The following GCH1 variants were observed in gnomAD, a reference collection of about 807,000 sequenced individuals.
The protein encoded by GCH1 is GTP cyclohydrolase 1, also known as GTP cyclohydrolase I.
GCH1 carries 5 observed loss-of-function variants against 25.9 expected under a neutral mutation model. That is an observed-to-expected ratio of 0.19 (90% confidence interval 0.10 to 0.41). The LOEUF (loss-of-function observed/expected upper bound fraction) is 0.41. GCH1 is among the 10% of genes least tolerant of loss of function. The probability of loss-of-function intolerance (pLI) is 1.00; values close to 1 mark genes in which losing one functional copy is unlikely to be tolerated. For synonymous variants in GCH1, 159 were observed against 129.6 expected (o/e 1.23, Z -1.54); for missense variants, 261 against 336.5 (o/e 0.78, Z 1.75).
In GCH1 at chr14:54,845,775, C is replaced by T. The variant is rs765035547; in HGVS notation, c.619G>A (p.Glu207Lys). 4 of 1,587,500 alleles carry T rather than the reference C, an allele frequency of 2.5e-6. No individual in the cohort carries two copies. Residue 207 changes from glutamate (E) to lysine (K), a missense_variant, in exon 5 of 6, where the codon GAA becomes AAA. Physicochemically the swap from Glu to Lys is moderately conservative, Grantham distance 56. This residue lies in a region of GCH1 where 130 missense variants were observed against 184.1 expected (regional missense o/e 0.71). Coordinates refer to ENST00000491895, the MANE Select transcript of GCH1 (RefSeq NM_000161.3). ...LRPAGVGVVV[E>K]ATHMCMVMRG... is the part of the protein sequence containing the mutation. The stretch of plus-strand genomic sequence containing the variant: ...AGGCAGATGCAGACTTACGTTGCTT[C>T]AACCACTACCCCGACTCCAGCAGGC...
chr14:54,866,235 T>A (rs879760090), intron 1 of GCH1, among the ~76,000 whole-genome samples: 8 of 152,024 alleles, frequency 5.3e-5, no homozygotes, highest in Non-Finnish European at 1.2e-4. Flanking sequence ...TAACATTCGG[T>A]GACTGCAAGA....
intron 2 of GCH1, 46 bp from the exon 3 acceptor site, chr14:54,859,782 C>A (rs373548185): frequency 2.0e-6 from 2 of 1,013,256 alleles, no homozygotes; most frequent in Non-Finnish European, 3.2e-6. Flanking sequence ...AAATACAGTG[C>A]CTTCTTTGTG....
At chr14:54,853,462 C>T (rs2039764696) in intron 3 of GCH1, among the ~76,000 whole-genome samples, 1 of 152,174 alleles carries the variant, frequency 6.6e-6, no homozygotes, top group African/African-American at 2.4e-5. Flanking sequence ...CAGACTGTGG[C>T]TTTAGTGCTA....
intron 4 of GCH1, among the ~76,000 whole-genome samples, chr14:54,846,149 C>T (rs1161003349): frequency 6.6e-6 from 1 of 152,200 alleles, no homozygotes; most frequent in African/African-American, 2.4e-5. Context: ...GTTAGAACAA[C>T]ACAGTACTGG....
chr14:54,850,557 T>C (rs538565653), intron 3 of GCH1, among the ~76,000 whole-genome samples: 8 of 152,166 alleles, frequency 5.3e-5, no homozygotes, highest in Non-Finnish European at 1.0e-4. Context: ...GTTACATATG[T>C]ATGTAAGTGC....
At position 54,890,775 on chromosome 14, in the gene GCH1, C is replaced by T. The variant is rs114882910; in HGVS notation, c.343+11546G>A. On this transcript the variant is annotated intron_variant, in intron 1 of 5. Transcript: ENST00000491895. ...ACTTAGACCATAATCTCTAAACCAG[C>T]ATGGACACGTTCTGCAAAAAACAAA... Among the ~76,000 whole-genome samples, 1,443 of 152,302 alleles carry T rather than the reference C, an allele frequency of 9.5e-3. 27 individuals are homozygous for T. Among genetic ancestry groups the T allele is most frequent in the African/African-American group, 0.033 (1,356 of 41,556 alleles).
chr14:54,888,678 A>G (rs893501362), intron 1 of GCH1, among the ~76,000 whole-genome samples: 11 of 112,928 alleles, frequency 9.7e-5, no homozygotes, highest in South Asian at 5.9e-4. Context: ...ACGCCCGGCT[A>G]ATTTTTTTTT....
intron 3 of GCH1, among the ~76,000 whole-genome samples, chr14:54,857,316 A>G (rs73278793): frequency 0.013 from 2,026 of 152,322 alleles, 29 homozygotes; most frequent in African/African-American, 0.044. Flanking sequence ...AATAACTAAG[A>G]TTATTTCCTT....
Position 54,902,645 on chromosome 14 carries a change from G to T in GCH1, c.19C>A (p.Arg7=). ...CCCCGCGGCTTCTCCGCCGGTGCCC[G>T]CACAGGGCCCTTCTCCATGGACCCG... is the stretch of plus-strand genomic sequence containing the variant. The part of the protein sequence containing the change: MEKGPV[R]APAEKPRGAR... The change falls in exon 1 of 6, where the codon CGG becomes AGG. Residue 7 remains arginine (R), a synonymous_variant. Transcript: ENST00000491895. 1 of 1,480,286 alleles carries T rather than the reference G, an allele frequency of 6.8e-7. No individual in the cohort carries two copies. The highest frequency in any genetic ancestry group is 8.9e-7 in the Non-Finnish European group (1 of 1,120,472). 91.7% of individuals were successfully genotyped at this position (1,480,286 alleles called of 1,614,324 possible).
intron 4 of GCH1, 66 bp downstream of exon 4, chr14:54,847,033 A>T: frequency 1.5e-6 from 1 of 669,442 alleles, no homozygotes; most frequent in Admixed American, 2.7e-5. Flanking sequence ...CTGTCTCAAA[A>T]ATAAAAATTT....
chr14:54,892,649 A>T (rs2040437984), intron 1 of GCH1, among the ~76,000 whole-genome samples: 1 of 152,080 alleles, frequency 6.6e-6, no homozygotes, highest in South Asian at 2.1e-4. Context: ...AGATCACACC[A>T]CTTCACTCCA....
chr14:54,843,363 C>T lies in GCH1; in HGVS notation c.*654G>A, dbSNP rs186238760. ...CACGAGAATACACTCGTAAACAACA[C>T]CAGGAACTAATTCCCTATTCTTGAA... is the stretch of plus-strand genomic sequence containing the variant. On this transcript the variant is annotated 3_prime_UTR_variant, in exon 6 of 6. Coordinates refer to ENST00000491895, the MANE Select transcript of GCH1 (RefSeq NM_000161.3). 3 of 1,270,428 alleles carry T rather than the reference C, an allele frequency of 2.4e-6. No individual in the cohort carries two copies. The East Asian group carries it at 1.0e-4, about 44-fold the overall frequency. The allele number at this position is 1,270,428 out of a possible 1,614,324, so 78.7% of individuals were successfully genotyped here. A position where few individuals can be genotyped will look rare whatever the true frequency, so the allele number is the denominator to read the frequency against.
chr14:54,856,712 C>G (rs753083148), intron 3 of GCH1, among the ~76,000 whole-genome samples: 1 of 152,182 alleles, frequency 6.6e-6, no homozygotes, highest in Non-Finnish European at 1.5e-5. Flanking sequence ...CTCGGCCTCC[C>G]AAAGTGCTGA....
chr14:54,875,323 CA>C (rs2040142260), intron 1 of GCH1, among the ~76,000 whole-genome samples: 1 of 152,144 alleles, frequency 6.6e-6, no homozygotes, highest in African/African-American at 2.4e-5. Context: ...AAAATTAATT[CA>C]AGATGGATTA....
chr14:54,900,947 T>A (rs929996771), intron 1 of GCH1, among the ~76,000 whole-genome samples: 1 of 152,086 alleles, frequency 6.6e-6, no homozygotes, highest in East Asian at 1.9e-4. Flanking sequence ...AAGTTTATTT[T>A]TCAGTCTTTG....
chr14:54,894,658 A>G lies in GCH1; in HGVS notation c.343+7663T>C, dbSNP rs187742235. On this transcript the variant is annotated intron_variant, in intron 1 of 5. Coordinates refer to ENST00000491895, the MANE Select transcript of GCH1 (RefSeq NM_000161.3). Reference sequence around the variant, plus strand: ...TCCATTTTTAAAAGAAACTATTAGGATTGGCTTTTCTCCCCCTTTCTCAGT... The same window carrying G: ...TCCATTTTTAAAAGAAACTATTAGGGTTGGCTTTTCTCCCCCTTTCTCAGT... Among the ~76,000 whole-genome samples the G allele has an allele frequency of 1.7e-4, 26 of 152,298 alleles. No individual in the cohort carries two copies. The East Asian group carries it at 5.0e-3, about 29-fold the overall frequency.
At chr14:54,844,376 G>T (rs1245556180) in intron 5 of GCH1, among the ~76,000 whole-genome samples, 1 of 152,164 alleles carries the variant, frequency 6.6e-6, no homozygotes, top group Non-Finnish European at 1.5e-5. Flanking sequence ...TTTTGTTCTT[G>T]AAGTTGTCTT....
chr14:54,860,824 C>A lies in GCH1; in HGVS notation c.454-1088G>T, dbSNP rs1246214050. On this transcript the variant is annotated intron_variant, in intron 2 of 5. Transcript: ENST00000491895. ...AAAGAGTTGGGATTACAGGCGTGAG[C>A]CACCACGCCCGGCCCCATCTTCCTA... Among the ~76,000 whole-genome samples the A allele has an allele frequency of 2.6e-5, 4 of 152,308 alleles. 1 individual carries two copies. Among genetic ancestry groups the A allele is most frequent in the African/African-American group, 9.6e-5 (4 of 41,566 alleles).
intron 1 of GCH1, among the ~76,000 whole-genome samples, chr14:54,876,066 T>C (rs2040155107): frequency 6.6e-6 from 1 of 152,176 alleles, no homozygotes; most frequent in African/African-American, 2.4e-5. Context: ...ACCGTGGCAC[T>C]ATTCACAATA....
Sources: gnomAD v4.1 joint callset for allele counts (sites outside exome capture counted in the v4.1 genomes callset) on GRCh38, gnomAD v4.1.1 for gene constraint, gnomAD v4.1.1 regional missense constraint, MANE v1.5 for transcripts, NCBI Gene and HGNC (gene_info 2026-07-23, HGNC 2026-07-21) for gene names.